KNOP1: variants seen among roughly 807,000 people sequenced by gnomAD.
The protein encoded by KNOP1 is lysine-rich nucleolar protein 1.
Under a neutral mutation model 30.6 loss-of-function variants are expected in KNOP1, and 20 were observed. The ratio of observed to expected loss-of-function variants is 0.65; its 90% CI spans 0.46 to 0.95. The LOEUF (loss-of-function observed/expected upper bound fraction) is 0.95. Among genes scored for constraint, KNOP1 ranks in the 40% least tolerant of loss-of-function variants. The pLI, the probability that KNOP1 is intolerant of heterozygous loss-of-function variation, is 0.00. For missense variants in KNOP1, 540 were observed against 562.0 expected (o/e 0.96, Z 0.40); for synonymous variants, 204 against 210.0 (o/e 0.97, Z 0.25).
rs1976304477 is a variant in KNOP1 at position 19,705,078 on chromosome 16, A to G, written c.*1832T>C. Reference sequence around the variant, plus strand: ...ATGGAGGCTTCTGGAAGTTTCCTTGAGACACAAAAAGGCTTTTCTTCCTCT... The same window carrying G: ...ATGGAGGCTTCTGGAAGTTTCCTTGGGACACAAAAAGGCTTTTCTTCCTCT... On this transcript the variant is annotated 3_prime_UTR_variant, in exon 5 of 5. Coordinates refer to ENST00000219837, the MANE Select transcript of KNOP1 (RefSeq NM_001012991.3). 1 of 436,916 alleles carries G rather than the reference A, an allele frequency of 2.3e-6. No individual in the cohort carries two copies. Among genetic ancestry groups the G allele is most frequent in the Non-Finnish European group, 4.6e-6 (1 of 215,596 alleles). The allele number at this position is 436,916 out of a possible 1,614,324, so 27.1% of individuals were successfully genotyped here. A position where few individuals can be genotyped will look rare whatever the true frequency, so the allele number is the denominator to read the frequency against.
rs1976284902 is a variant in KNOP1, at chr16:19,704,537, G to C, written c.*2373C>G. 1.3e-5 allele frequency: 2 copies of C among 152,114 alleles called. No individual in the cohort carries two copies. Among genetic ancestry groups the C allele is most frequent in the Non-Finnish European group, 2.9e-5 (2 of 68,070 alleles). 9.4% of individuals were successfully genotyped at this position (152,114 alleles called of 1,614,324 possible). ...ACCCAGGAAGCAGAGGTTACAATGA[G>C]CCGAGATCACGCCACCACACTCCAG... On this transcript the variant is annotated 3_prime_UTR_variant, in exon 5 of 5. Transcript: ENST00000219837.
rs1157847541 is a variant in KNOP1, at chr16:19,710,554, A to G, written c.1020T>C (p.Asp340=). The stretch of plus-strand genomic sequence containing the variant: ...AAGCTTCCGTTTTGCCTGACTCGCG[A>G]TCGATCTCTTCTTGCAAGGCCTTTC... ...VRRKALQEEI[D]RESGKTEASE... is the part of the protein sequence containing the mutation. The change falls in exon 4 of 5, where the codon GAT becomes GAC. Residue 340 remains aspartate, a synonymous_variant. Transcript: ENST00000219837. 5 of 1,612,322 alleles carry G rather than the reference A, an allele frequency of 3.1e-6. No individual in the cohort carries two copies. In the Admixed American group the frequency reaches 5.0e-5, roughly 16 times the overall value.
At position 19,714,573 on chromosome 16, in the gene KNOP1, T is replaced by C. The variant is rs901320066; in HGVS notation, c.463A>G (p.Lys155Glu). ...GCTGTGGGGTCCTGGGCCCCCTTTT[T>C]TTCCTTCTTGTGTTTTTTGAGCTTC... ...GKKLKKHKKEKKGAQDPTAFS... is the reference protein window; with the variant it reads ...GKKLKKHKKEEKGAQDPTAFS... The change falls in exon 2 of 5, where the codon AAA becomes GAA. Residue 155 changes from lysine (K) to glutamate (E), a missense_variant. Lys to Glu is a moderately conservative substitution (Grantham distance 56, BLOSUM62 1). Coordinates refer to ENST00000219837, the MANE Select transcript of KNOP1 (RefSeq NM_001012991.3). The C allele has an allele frequency of 8.1e-6, 13 of 1,613,972 alleles. No individual in the cohort carries two copies. The African/African-American group carries it at 1.6e-4, about 20-fold the overall frequency.
At position 19,714,366 on chromosome 16, in the gene KNOP1, C is replaced by G; in HGVS notation, c.670G>C (p.Ala224Pro). 5 of 1,613,978 alleles carry G rather than the reference C, an allele frequency of 3.1e-6. No homozygotes were observed. The highest frequency in any genetic ancestry group is 3.4e-6 in the Non-Finnish European group (4 of 1,179,940). Residue 224 changes from alanine (A) to proline (P), a missense_variant, in exon 2 of 5, where the codon GCC becomes CCC. Ala to Pro is a conservative substitution (Grantham distance 27). Coordinates refer to ENST00000219837, the MANE Select transcript of KNOP1 (RefSeq NM_001012991.3). The part of the protein sequence containing the change: ...KKKKIHQEGD[A>P]LPGHSKPSRS... ...GAGGGCTTGGAGTGGCCTGGGAGGGCATCTCCCTCCTGGTGGATTTTTTTT... is the reference window on the plus strand; with the variant it reads ...GAGGGCTTGGAGTGGCCTGGGAGGGGATCTCCCTCCTGGTGGATTTTTTTT...
At chr16:19,710,303 TAGG>T in intron 4 of KNOP1, 1 of 629,726 alleles carries the variant, frequency 1.6e-6, no homozygotes, top group Non-Finnish European at 2.9e-6. Flanking sequence ...GCCAGCTCTC[TAGG>T]AGGGAGGCAA....
At position 19,714,864 on chromosome 16, in the gene KNOP1, C is replaced by G. The variant is rs1976932139; in HGVS notation, c.172G>C (p.Ala58Pro). ...TTCTTCACTAGAGGCATCTCAGGTG[C>G]CTGCCCATGGGCCACACTCTTAGAG... ...SPSKSVAHGQ[A>P]PEMPLVKKKK... Residue 58 changes from alanine to proline, a missense_variant, in exon 2 of 5, where the codon GCA becomes CCA. Ala to Pro is a conservative substitution (Grantham distance 27). Transcript: ENST00000219837. The G allele has an allele frequency of 6.2e-7, 1 of 1,613,636 alleles. No individual in the cohort carries two copies. Among genetic ancestry groups the G allele is most frequent in the African/African-American group, 1.3e-5 (1 of 74,938 alleles).
Position 19,702,401 on chromosome 16 carries a change from T to C in KNOP1, c.*4509A>G, listed in dbSNP as rs1976197670. On this transcript the variant is annotated 3_prime_UTR_variant, in exon 5 of 5. Transcript: ENST00000219837. ...CAAGTCATTTCTTCTCCTCTGAGGCTGAACGTGGTGGGCAGCATTAGTTCC... is the reference window on the plus strand; with the variant it reads ...CAAGTCATTTCTTCTCCTCTGAGGCCGAACGTGGTGGGCAGCATTAGTTCC... 6.6e-6 allele frequency: 1 copy of C among 152,254 alleles called. No homozygotes were observed. The highest frequency in any genetic ancestry group is 1.5e-5 in the Non-Finnish European group (1 of 68,052). 9.4% of individuals were successfully genotyped at this position (152,254 alleles called of 1,614,324 possible). A position where few individuals can be genotyped will look rare whatever the true frequency, so the allele number is the denominator to read the frequency against.
At chr16:19,710,966 G>A (rs958109967) in intron 3 of KNOP1, among the ~76,000 whole-genome samples, 4 of 151,666 alleles carry the variant, frequency 2.6e-5, no homozygotes, top group Non-Finnish European at 5.9e-5. Flanking sequence ...ACTTCCCACA[G>A]GGATGCATTT....
chr16:19,714,795 G>A lies in KNOP1; in HGVS notation c.241C>T (p.His81Tyr). Residue 81 changes from histidine (H) to tyrosine (Y), a missense_variant, in exon 2 of 5, where the codon CAT (histidine) becomes TAT (tyrosine). Physicochemically the swap from His to Tyr is moderately conservative, Grantham distance 83 (BLOSUM62 2). Coordinates refer to ENST00000219837, the MANE Select transcript of KNOP1 (RefSeq NM_001012991.3). Reference protein sequence around the residue: ...KKGVSTLCEEHVEPETTLPAR... With the variant: ...KKGVSTLCEEYVEPETTLPAR... ...GGCAGCGTGGTCTCAGGTTCTACAT[G>A]CTCCTCGCAAAGGGTGCTGACACCC... is the stretch of plus-strand genomic sequence containing the variant. 1 of 1,614,172 alleles carries A rather than the reference G, an allele frequency of 6.2e-7. No individual in the cohort carries two copies. The highest frequency in any genetic ancestry group is 8.5e-7 in the Non-Finnish European group (1 of 1,180,044).
At position 19,718,221 on chromosome 16, in the gene KNOP1, T is replaced by G; in HGVS notation, c.-66A>C. The stretch of plus-strand genomic sequence containing the variant: ...CTCCGCCGTGACCCGGAAGTCCACT[T>G]CGAGTCGCCGGCCCACCCTCTCGGG... On this transcript the variant is annotated 5_prime_UTR_variant, in exon 1 of 5. Transcript: ENST00000219837. The G allele has an allele frequency of 6.5e-7, 1 of 1,534,194 alleles. No homozygotes were observed. Among genetic ancestry groups the G allele is most frequent in the Non-Finnish European group, 8.7e-7 (1 of 1,142,982 alleles).
intron 4 of KNOP1, among the ~76,000 whole-genome samples, chr16:19,708,243 G>A (rs1021683263): frequency 6.6e-6 from 1 of 151,858 alleles, no homozygotes; most frequent in East Asian, 2.0e-4. Flanking sequence ...ACTGAGCCAA[G>A]CCCAAGAACT....
Position 19,714,934 on chromosome 16 carries a change from A to C in KNOP1, c.102T>G (p.Asn34Lys). ...GAGAAACATCAGCAAAGTAATCATCATTGTTTAAAACTGAGTATCGAGTCT... is the reference window on the plus strand; with the variant it reads ...GAGAAACATCAGCAAAGTAATCATCCTTGTTTAAAACTGAGTATCGAGTCT... ...EPETRYSVLN[N>K]DDYFADVSPL... Residue 34 changes from asparagine (N) to lysine (K), a missense_variant, in exon 2 of 5, where the codon AAT becomes AAG. By Grantham distance (94) the Asn-to-Lys change is moderately conservative. Coordinates refer to ENST00000219837, the MANE Select transcript of KNOP1 (RefSeq NM_001012991.3). 7 of 1,613,392 alleles carry C rather than the reference A, an allele frequency of 4.3e-6. No individual in the cohort carries two copies. The highest frequency in any genetic ancestry group is 5.9e-6 in the Non-Finnish European group (7 of 1,179,804).
chr16:19,718,114 CCACACCCCGCGCCGGCCCG>C, intron 1 of KNOP1, 25 bp downstream of exon 1: 2 of 1,445,088 alleles, frequency 1.4e-6, no homozygotes, highest in Non-Finnish European at 1.8e-6. Flanking sequence ...GGTGCAATCT[CCACACCCCGCGCCGGCCCG>C]CCTGCAACGC....
chr16:19,713,013 A>T (rs1976798977), intron 2 of KNOP1, among the ~76,000 whole-genome samples: 1 of 152,090 alleles, frequency 6.6e-6, no homozygotes, highest in Non-Finnish European at 1.5e-5. Context: ...CTGGTAACAG[A>T]ACTCCAGTTT....
At chr16:19,711,088 C>T in intron 3 of KNOP1, among the ~76,000 whole-genome samples, 1 of 152,260 alleles carries the variant, frequency 6.6e-6, no homozygotes, top group Non-Finnish European at 1.5e-5. Context: ...TGCCCAGCTG[C>T]AGGGTCTTAG....
rs760090516 is a variant in KNOP1, at chr16:19,714,135, C to T, written c.901G>A (p.Gly301Arg). 1 of 1,611,770 alleles carries T rather than the reference C, an allele frequency of 6.2e-7. No individual in the cohort carries two copies. The highest frequency in any genetic ancestry group is 1.1e-5 in the South Asian group (1 of 90,636). Residue 301 changes from glycine (G) to arginine (R), a missense_variant, in exon 2 of 5, where the codon GGA (glycine) becomes AGA (arginine). By Grantham distance (125) the Gly-to-Arg change is moderately radical. Transcript: ENST00000219837. ...AAAACTACCTCCTTCCAAGGGTCTC[C>T]TGCTACCCCACTCTCTTTCCTCTTC... ...KKKRKESGVA[G>R]DPWKEETDTD...
rs768807960 is a variant in KNOP1, at chr16:19,711,335, G to C, written c.987+37C>G. 10 of 1,604,458 alleles carry C rather than the reference G, an allele frequency of 6.2e-6. No individual in the cohort carries two copies. In the Admixed American group the frequency reaches 1.7e-4, roughly 27 times the overall value. Reference sequence around the variant, plus strand: ...AAGTGAGACTCCAAGGGTGGCAGGAGGCAGCGGGAGGGGCCTGAGGAGGGT... The same window carrying C: ...AAGTGAGACTCCAAGGGTGGCAGGACGCAGCGGGAGGGGCCTGAGGAGGGT... On this transcript the variant is annotated intron_variant, in intron 3 of 4. Coordinates refer to ENST00000219837, the MANE Select transcript of KNOP1 (RefSeq NM_001012991.3).
At chr16:19,707,753 CCCTACACGGCGCACATGG>C (rs1352344899) in intron 4 of KNOP1, among the ~76,000 whole-genome samples, 3 of 133,862 alleles carry the variant, frequency 2.2e-5, no homozygotes, top group Non-Finnish European at 4.8e-5. Flanking sequence ...CCCCCCACCT[CCCTACACGGCGCACATGG>C]CGCACCTCCT....
intron 2 of KNOP1, 141 bp downstream of exon 2, chr16:19,713,977 G>A: frequency 2.6e-6 from 2 of 775,328 alleles, no homozygotes; most frequent in Non-Finnish European, 4.2e-6. Context: ...CCCTATTCTG[G>A]CTGAAATTAA....
Sources: allele counts gnomAD v4.1 joint callset (sites outside exome capture counted in the v4.1 genomes callset), GRCh38; gene constraint gnomAD v4.1.1; transcripts MANE v1.5; gene names NCBI Gene and HGNC (gene_info 2026-07-23, HGNC 2026-07-21).